Variants in TRIM24 observed in about 807,000 individuals in gnomAD.
TRIM24 encodes transcription intermediary factor 1-alpha.
A neutral mutation model predicts 123.9 loss-of-function variants in TRIM24; 29 were observed. That is an observed-to-expected ratio of 0.23 (90% CI 0.17 to 0.32). The LOEUF (loss-of-function observed/expected upper bound fraction) is 0.32, where lower values mean the gene tolerates loss of function less well. Ranked by LOEUF, TRIM24 falls within the 10% of genes least tolerant of loss-of-function variation. The probability of loss-of-function intolerance (pLI) is 1.00; values close to 1 mark genes in which losing one functional copy is unlikely to be tolerated. For synonymous variants in TRIM24, 456 were observed against 461.1 expected (o/e 0.99, Z 0.14); for missense variants, 932 against 1,295.3 (o/e 0.72, Z 4.31).
chr7:138,531,173 G>A (rs891154459), intron 6 of TRIM24, among the ~76,000 whole-genome samples: 18 of 129,608 alleles, frequency 1.4e-4, no homozygotes, highest in Admixed American at 5.2e-4. Flanking sequence ...TGTGCACAAC[G>A]TGCACATATG....
intron 3 of TRIM24, among the ~76,000 whole-genome samples, chr7:138,517,066 A>G (rs1415824205): frequency 6.6e-6 from 1 of 151,484 alleles, no homozygotes; most frequent in African/African-American, 2.4e-5. Flanking sequence ...GATAATTGCC[A>G]TTACACTCCG....
chr7:138,489,187 T>C (rs1795722635), intron 1 of TRIM24, among the ~76,000 whole-genome samples: 1 of 152,208 alleles, frequency 6.6e-6, no homozygotes. Context: ...TATTTTTGCT[T>C]TCCATTTGCT....
chr7:138,524,298 T>C (rs78681966), intron 4 of TRIM24, among the ~76,000 whole-genome samples: 1,983 of 152,202 alleles, frequency 0.013, 36 homozygotes, highest in African/African-American at 0.045. Flanking sequence ...AGTCTTTGCA[T>C]TGAGATTAGG....
chr7:138,582,988 C>T (rs948136283), intron 17 of TRIM24, among the ~76,000 whole-genome samples: 8 of 152,178 alleles, frequency 5.3e-5, no homozygotes, highest in African/African-American at 1.9e-4. Flanking sequence ...CTTACAGTTA[C>T]GTTATTAATA....
chr7:138,558,568 A>G (rs77973557), intron 9 of TRIM24, among the ~76,000 whole-genome samples: 160 of 152,278 alleles, frequency 1.1e-3, no homozygotes, highest in Non-Finnish European at 1.8e-3. Context: ...AGTTGGGCAA[A>G]CAGGTTGCTG....
intron 1 of TRIM24, among the ~76,000 whole-genome samples, chr7:138,482,247 T>C (rs1324947156): frequency 2.6e-5 from 4 of 152,176 alleles, no homozygotes; most frequent in Admixed American, 6.5e-5. Context: ...ACATTCTCTT[T>C]ACAGTAGTTT....
intron 2 of TRIM24, among the ~76,000 whole-genome samples, chr7:138,505,109 A>G (rs1216776828): frequency 6.6e-6 from 1 of 152,168 alleles, no homozygotes; most frequent in Non-Finnish European, 1.5e-5. Context: ...GGAGATCTCT[A>G]AAATAAAAGG....
At chr7:138,516,660 T>C (rs888168601) in intron 3 of TRIM24, among the ~76,000 whole-genome samples, 1 of 152,200 alleles carries the variant, frequency 6.6e-6, no homozygotes, top group Non-Finnish European at 1.5e-5. Context: ...CAGCCTTTAT[T>C]TTCTGTCTCT....
At chr7:138,517,076 G>A (rs1033625119) in intron 3 of TRIM24, among the ~76,000 whole-genome samples, 15 of 150,350 alleles carry the variant, frequency 1.0e-4, no homozygotes, top group African/African-American at 2.9e-4. Flanking sequence ...ATTACACTCC[G>A]TCTGCGCGAC....
At chr7:138,489,079 A>T (rs1795720430) in intron 1 of TRIM24, among the ~76,000 whole-genome samples, 1 of 152,086 alleles carries the variant, frequency 6.6e-6, no homozygotes, top group South Asian at 2.1e-4. Context: ...TTCTTGTTGA[A>T]TTGATCCCTT....
rs1797268010 is a variant in TRIM24 at position 138,554,151 on chromosome 7, C to T, written c.1262-547C>T. Among the ~76,000 whole-genome samples the T allele has an allele frequency of 6.6e-6, 1 of 152,158 alleles. No individual in the cohort carries two copies. The highest frequency in any genetic ancestry group is 2.1e-4 in the South Asian group (1 of 4,832). Reference sequence around the variant, plus strand: ...ATGATAATCTCCGGGTTGGCCACTCCTAGGTTCCTTAACGCAGAACTCCAA... The same window carrying T: ...ATGATAATCTCCGGGTTGGCCACTCTTAGGTTCCTTAACGCAGAACTCCAA... On this transcript the variant is annotated intron_variant, in intron 8 of 18. Coordinates refer to ENST00000343526, the MANE Select transcript of TRIM24 (RefSeq NM_015905.3). This position sits in a 1 kb window ranked among gnomAD's most constrained non-coding sequence, Gnocchi z 4.5.
chr7:138,580,536 T>C, intron 15 of TRIM24, 26 bp from the exon 16 acceptor site: 1 of 1,596,396 alleles, frequency 6.3e-7, no homozygotes, highest in East Asian at 2.2e-5. Flanking sequence ...GCATTAGGAA[T>C]TCAAAAGTAC....
At chr7:138,572,639 G>T (rs779963606) in intron 11 of TRIM24, among the ~76,000 whole-genome samples, 1 of 152,112 alleles carries the variant, frequency 6.6e-6, no homozygotes, top group Non-Finnish European at 1.5e-5. Flanking sequence ...GCAAGAAATT[G>T]ATTCATTATA....
Position 138,584,821 on chromosome 7 carries a change from A to C in TRIM24, c.3023A>C (p.Lys1008Thr). The change falls in exon 19 of 19, where the codon AAA becomes ACA. Residue 1008 changes from lysine (K) to threonine (T), a missense_variant. By Grantham distance (78) the Lys-to-Thr change is moderately conservative. Coordinates refer to ENST00000343526, the MANE Select transcript of TRIM24 (RefSeq NM_015905.3). The part of the protein sequence containing the change: ...EELLKNLYPE[K>T]RFPKPEFRNE... The stretch of plus-strand genomic sequence containing the variant: ...CTTCTAAAGAACCTCTATCCAGAAA[A>C]AAGGTTTCCCAAACCAGAATTCAGG... 6.2e-7 allele frequency: 1 copy of C among 1,613,576 alleles called. No individual in the cohort carries two copies. The highest frequency in any genetic ancestry group is 1.6e-4 in the Middle Eastern group (1 of 6,062).
At chr7:138,581,857 T>C in intron 17 of TRIM24, 86 bp downstream of exon 17, 1 of 1,040,402 alleles carries the variant, frequency 9.6e-7, no homozygotes, top group South Asian at 1.4e-5. Flanking sequence ...ATTACCATTT[T>C]TCAGTACTTT....
chr7:138,538,730 A>G lies in TRIM24; in HGVS notation c.1070A>G (p.Glu357Gly). 6.2e-7 allele frequency: 1 copy of G among 1,614,130 alleles called. No individual in the cohort carries two copies. The highest frequency in any genetic ancestry group is 1.3e-5 in the African/African-American group (1 of 75,056). The change falls in exon 7 of 19, where the codon GAG (glutamate) becomes GGG (glycine). Residue 357 changes from glutamate to glycine, a missense_variant. Coordinates refer to ENST00000343526, the MANE Select transcript of TRIM24 (RefSeq NM_015905.3). ...QEVAGLSKQL[E>G]HVMHFSKWAV... ...GTGGCTGGACTCTCTAAACAATTGG[A>G]GCATGTCATGCATTTTTCTAAATGG... is the stretch of plus-strand genomic sequence containing the variant.
chr7:138,585,694 T>C lies in TRIM24; in HGVS notation c.*743T>C, dbSNP rs992610668. Reference sequence around the variant, plus strand: ...TTTCTAGATCTAGATTTTCAACTTCTTCCACTGAGGGAAGTATATACATTT... The same window carrying C: ...TTTCTAGATCTAGATTTTCAACTTCCTCCACTGAGGGAAGTATATACATTT... On this transcript the variant is annotated 3_prime_UTR_variant, in exon 19 of 19. Transcript: ENST00000343526. 3.8e-5 allele frequency: 15 copies of C among 396,738 alleles called. No homozygotes were observed. Among genetic ancestry groups the C allele is most frequent in the African/African-American group, 6.5e-5 (3 of 46,434 alleles). The allele number at this position is 396,738 out of a possible 1,614,324, so 24.6% of individuals were successfully genotyped here. A position where few individuals can be genotyped will look rare whatever the true frequency, so the allele number is the denominator to read the frequency against.
intron 1 of TRIM24, among the ~76,000 whole-genome samples, chr7:138,494,855 A>G (rs544949660): frequency 6.6e-6 from 1 of 152,318 alleles, no homozygotes; most frequent in African/African-American, 2.4e-5. Flanking sequence ...ATCTGCCACT[A>G]GTAAAGTGAC....
intron 1 of TRIM24, among the ~76,000 whole-genome samples, chr7:138,493,265 AT>A (rs1185734624): frequency 6.6e-6 from 1 of 152,026 alleles, no homozygotes; most frequent in Non-Finnish European, 1.5e-5. Flanking sequence ...CTGTGAAATT[AT>A]TTTTTTCCTA....
Sources: allele counts gnomAD v4.1 joint callset (sites outside exome capture counted in the v4.1 genomes callset), GRCh38; gene constraint gnomAD v4.1.1; non-coding constraint Gnocchi (gnomAD v3.1); transcripts MANE v1.5; gene names NCBI Gene and HGNC (gene_info 2026-07-23, HGNC 2026-07-21).